PCDHGA6: variants seen among roughly 807,000 people sequenced by gnomAD.
The protein encoded by PCDHGA6 is protocadherin gamma subfamily A, 6, also known as protocadherin gamma-A6.
PCDHGA6 carries 41 observed loss-of-function variants against 60.6 expected under a neutral mutation model. That is an observed-to-expected ratio of 0.68 (90% confidence interval 0.53 to 0.88). The LOEUF (loss-of-function observed/expected upper bound fraction) is 0.88, where lower values mean the gene tolerates loss of function less well. Ranked by LOEUF, PCDHGA6 falls within the 40% of genes least tolerant of loss-of-function variation. The pLI, the probability that PCDHGA6 is intolerant of heterozygous loss-of-function variation, is 0.00. For synonymous variants in PCDHGA6, 594 were observed against 524.4 expected, an observed-to-expected ratio of 1.13 and a Z score of -1.81; for missense variants, 1,312 against 1,203.0, an observed-to-expected ratio of 1.09 and a Z score of -1.34.
chr5:141,427,429 G>A (rs2097025761), intron 1 of PCDHGA6: 1 of 471,078 alleles, frequency 2.1e-6, no homozygotes, highest in African/African-American at 2.0e-5. Flanking sequence ...GAGGTTACAT[G>A]CCTCATAAAC....
Position 141,374,724 on chromosome 5 carries a change from C to A in PCDHGA6, c.641C>A (p.Ala214Asp), listed in dbSNP as rs1384151075. 6.2e-7 allele frequency: 1 copy of A among 1,610,030 alleles called. No homozygotes were observed. The highest frequency in any genetic ancestry group is 1.3e-5 in the African/African-American group (1 of 74,864). The stretch of plus-strand genomic sequence containing the variant: ...GCCGTTTACCGCCTGGTCCTTACTG[C>A]CATGGATGGCGGCGACCCTGTCCGC... ...GEAVYRLVLTAMDGGDPVRSS... is the reference protein window; with the variant it reads ...GEAVYRLVLTDMDGGDPVRSS... Residue 214 changes from alanine (A) to aspartate (D), a missense_variant, in exon 1 of 4, where the codon GCC becomes GAC. Physicochemically the swap from Ala to Asp is moderately radical, Grantham distance 126. Coordinates refer to ENST00000517434, the MANE Select transcript of PCDHGA6 (RefSeq NM_018919.3).
chr5:141,388,378 A>G, intron 1 of PCDHGA6: 1 of 1,614,028 alleles, frequency 6.2e-7, no homozygotes, highest in Non-Finnish European at 8.5e-7. Context: ...ATTGGTAGCA[A>G]CACACTGCAG....
At chr5:141,389,887 A>G (rs1473090410) in intron 1 of PCDHGA6, 2 of 1,613,940 alleles carry the variant, frequency 1.2e-6, no homozygotes, top group East Asian at 2.2e-5. Context: ...AGCTTGCAGG[A>G]GGTGCTGCCG....
At chr5:141,444,864 A>G (rs1304165078) in intron 1 of PCDHGA6, among the ~76,000 whole-genome samples, 1 of 152,210 alleles carries the variant, frequency 6.6e-6, no homozygotes, top group African/African-American at 2.4e-5. Context: ...GTCTTACTAC[A>G]GGACAAAGCT....
chr5:141,479,625 T>C (rs2099501262), intron 1 of PCDHGA6: 1 of 152,228 alleles, frequency 6.6e-6, no homozygotes, highest in Non-Finnish European at 1.5e-5. Flanking sequence ...ACCATGTCTC[T>C]TTAACAATAA....
At chr5:141,377,774 A>T (rs1279958954) in intron 1 of PCDHGA6, 1 of 152,232 alleles carries the variant, frequency 6.6e-6, no homozygotes, top group Non-Finnish European at 1.5e-5. Context: ...TTGGTGTTAA[A>T]AGACCTGAAT....
At position 141,489,871 on chromosome 5, in the gene PCDHGA6, G is replaced by C; in HGVS notation, c.2425-4936G>C. ...TGAAGCCCAGGCAAGACATCAGCTGGTGCTTACTGCTGTGGATGGGGGGAC... is the reference window on the plus strand; with the variant it reads ...TGAAGCCCAGGCAAGACATCAGCTGCTGCTTACTGCTGTGGATGGGGGGAC... On this transcript the variant is annotated intron_variant, in intron 1 of 3. Coordinates refer to ENST00000517434, the MANE Select transcript of PCDHGA6 (RefSeq NM_018919.3). The surrounding 1 kb of genome is among the most constrained non-coding windows in gnomAD (Gnocchi z 4.5). 1 of 1,614,206 alleles carries C rather than the reference G, an allele frequency of 6.2e-7. No individual in the cohort carries two copies.
intron 1 of PCDHGA6, chr5:141,394,094 A>G (rs759909698): frequency 6.2e-7 from 1 of 1,613,934 alleles, no homozygotes; most frequent in Admixed American, 1.7e-5. Context: ...CCTCAGATCT[A>G]GGAACACCAC....
rs867810670 is a variant in PCDHGA6 at position 141,385,551 on chromosome 5, T to C, written c.2424+9044T>C. 11 of 1,313,528 alleles carry C rather than the reference T, an allele frequency of 8.4e-6. No individual in the cohort carries two copies. The African/African-American group carries it at 9.1e-5, about 11-fold the overall frequency. 81.4% of individuals were successfully genotyped at this position (1,313,528 alleles called of 1,614,324 possible). ...GATTATGAATATGTGGACTATCACA[T>C]TTTATAATTTCCACCTACTTTCCAA... On this transcript the variant is annotated intron_variant, in intron 1 of 3. Transcript: ENST00000517434.
chr5:141,487,386 G>C lies in PCDHGA6; in HGVS notation c.2425-7421G>C. On this transcript the variant is annotated intron_variant, in intron 1 of 3. Coordinates refer to ENST00000517434, the MANE Select transcript of PCDHGA6 (RefSeq NM_018919.3). The surrounding 1 kb of genome is among the most constrained non-coding windows in gnomAD (Gnocchi z 5.0). Reference sequence around the variant, plus strand: ...ACCTGTGCCTGTCTCACCAGATCTCGAAGGAGGGAGGGGCTTCCCCCTTCC... The same window carrying C: ...ACCTGTGCCTGTCTCACCAGATCTCCAAGGAGGGAGGGGCTTCCCCCTTCC... The C allele has an allele frequency of 1.2e-6, 2 of 1,614,164 alleles. No homozygotes were observed. Among genetic ancestry groups the C allele is most frequent in the South Asian group, 1.1e-5 (1 of 91,084 alleles).
At chr5:141,460,829 A>C (rs1242954704) in intron 1 of PCDHGA6, among the ~76,000 whole-genome samples, 1 of 151,944 alleles carries the variant, frequency 6.6e-6, no homozygotes, top group African/African-American at 2.4e-5. Flanking sequence ...ATACACACTT[A>C]AAGTAATGGC....
chr5:141,386,594 C>T (rs573192677), intron 1 of PCDHGA6, among the ~76,000 whole-genome samples: 2 of 151,204 alleles, frequency 1.3e-5, no homozygotes, highest in Non-Finnish European at 2.9e-5. Flanking sequence ...GTGGGGGATA[C>T]ATTTTTTTTT....
intron 1 of PCDHGA6, chr5:141,427,791 G>T (rs763294539): frequency 1.3e-6 from 2 of 1,488,082 alleles, no homozygotes; most frequent in South Asian, 1.1e-5. Context: ...GTCGTCCTAC[G>T]TGTCCGTGAG....
intron 1 of PCDHGA6, chr5:141,423,659 A>C (rs369390148): frequency 6.4e-7 from 1 of 1,551,038 alleles, no homozygotes; most frequent in African/African-American, 1.4e-5. Flanking sequence ...ACAAGTAATC[A>C]GGTGAGATTT....
chr5:141,411,285 A>C (rs2095477948), intron 1 of PCDHGA6: 1 of 152,218 alleles, frequency 6.6e-6, no homozygotes, highest in South Asian at 2.1e-4. Flanking sequence ...AAAAATATTC[A>C]GAAGACAGGC....
In PCDHGA6 at chr5:141,395,537, A is replaced by ATTGTTTGT. The variant is rs1179408656; in HGVS notation, c.2424+19031_2424+19038dup. On this transcript the variant is annotated intron_variant, in intron 1 of 3. Coordinates refer to ENST00000517434, the MANE Select transcript of PCDHGA6 (RefSeq NM_018919.3). Reference sequence around the variant, plus strand: ...ACCCGTCCATACTGGTAATTTTGCTATTGTTTGTGTGTGTGTGTGTGTGTG... The same window carrying ATTGTTTGT: ...ACCCGTCCATACTGGTAATTTTGCTATTGTTTGTTTGTTTGTGTGTGTGTGTGTGTGTG... 12 of 243,932 alleles carry ATTGTTTGT rather than the reference A, an allele frequency of 4.9e-5. No individual in the cohort carries two copies. In the African/African-American group the frequency reaches 6.6e-4, roughly 13 times the overall value. 15.1% of individuals were successfully genotyped at this position (243,932 alleles called of 1,614,324 possible).
In PCDHGA6 at chr5:141,511,296, A is replaced by C; in HGVS notation, c.*123A>C. 1 of 1,505,968 alleles carries C rather than the reference A, an allele frequency of 6.6e-7. No individual in the cohort carries two copies. The allele number at this position is 1,505,968 out of a possible 1,614,324, so 93.3% of individuals were successfully genotyped here. On this transcript the variant is annotated 3_prime_UTR_variant, in exon 4 of 4. Coordinates refer to ENST00000517434, the MANE Select transcript of PCDHGA6 (RefSeq NM_018919.3). ...CAGAATACTGGTAGGGGCCAAGGCCATGCTCCCCTTGGGAAACAGAAACAA... is the reference window on the plus strand; with the variant it reads ...CAGAATACTGGTAGGGGCCAAGGCCCTGCTCCCCTTGGGAAACAGAAACAA...
At chr5:141,382,998 C>G in intron 1 of PCDHGA6, 2 of 1,613,740 alleles carry the variant, frequency 1.2e-6, no homozygotes, top group Non-Finnish European at 1.7e-6. Context: ...GTATTCTCTA[C>G]TCCGTGTCGG....
chr5:141,395,152 T>C (rs1324313583), intron 1 of PCDHGA6: 1 of 1,614,196 alleles, frequency 6.2e-7, no homozygotes, highest in African/African-American at 1.3e-5. Context: ...GACATGCTCA[T>C]CAGTCAGGAG....
Sources: gnomAD v4.1 joint callset for allele counts (sites outside exome capture counted in the v4.1 genomes callset) on GRCh38, gnomAD v4.1.1 for gene constraint, Gnocchi (gnomAD v3.1) non-coding constraint, MANE v1.5 for transcripts, NCBI Gene and HGNC (gene_info 2026-07-23, HGNC 2026-07-21) for gene names.